The following SLC28A1 variants were observed in gnomAD, a reference collection of about 807,000 sequenced individuals.
SLC28A1 encodes solute carrier family 28 member 1, also known as sodium/nucleoside cotransporter 1.
SLC28A1 carries 64 observed loss-of-function variants against 74.8 expected under a neutral mutation model. That is an observed-to-expected ratio of 0.86 (90% CI 0.70 to 1.05). The LOEUF (loss-of-function observed/expected upper bound fraction) is 1.05. SLC28A1 is among the 50% of genes least tolerant of loss of function. The pLI, the probability that SLC28A1 is intolerant of heterozygous loss-of-function variation, is 0.00. For missense variants in SLC28A1, 828 were observed against 822.8 expected, an observed-to-expected ratio of 1.01 and a Z score of -0.08; for synonymous variants, 359 against 335.0, an observed-to-expected ratio of 1.07 and a Z score of -0.78.
intron 6 of SLC28A1, among the ~76,000 whole-genome samples, chr15:84,901,430 C>T (rs762613892): frequency 2.6e-4 from 40 of 152,176 alleles, no homozygotes; most frequent in Middle Eastern, 6.8e-3. Context: ...TTGCTCGAAC[C>T]CAGGAGGTGG....
At chr15:84,901,125 G>A (rs967642268) in intron 6 of SLC28A1, among the ~76,000 whole-genome samples, 3 of 152,216 alleles carry the variant, frequency 2.0e-5, no homozygotes, top group Admixed American at 6.5e-5. Context: ...AGGAGGCTGA[G>A]GCAGAAGAAT....
intron 9 of SLC28A1, among the ~76,000 whole-genome samples, chr15:84,913,209 C>T (rs1275516669): frequency 1.3e-5 from 2 of 152,152 alleles, no homozygotes; most frequent in African/African-American, 2.4e-5. Flanking sequence ...AGCTGCTGCC[C>T]CGAGCATCTT....
chr15:84,891,960 C>T (rs533762892), intron 5 of SLC28A1, among the ~76,000 whole-genome samples: 8 of 152,050 alleles, frequency 5.3e-5, no homozygotes, highest in Admixed American at 4.6e-4. Flanking sequence ...GGTCCCCTGG[C>T]ACGGAGTAGA....
At chr15:84,954,315 C>T in the SLC28A1 span, among the ~76,000 whole-genome samples, 2 of 152,134 alleles carry the variant, frequency 1.3e-5, no homozygotes, top group Non-Finnish European at 2.9e-5. Context: ...AGCAGTTTCC[C>T]ACGAGATCGG....
chr15:84,967,199 C>T, the SLC28A1 span, among the ~76,000 whole-genome samples: 3 of 152,214 alleles, frequency 2.0e-5, no homozygotes, highest in Non-Finnish European at 2.9e-5. Context: ...GTTGGAGATC[C>T]GCTTTGTTAC....
the SLC28A1 span, among the ~76,000 whole-genome samples, chr15:84,970,838 A>C: frequency 6.1e-4 from 93 of 152,294 alleles, no homozygotes; most frequent in African/African-American, 2.1e-3. Flanking sequence ...TATCTACAAA[A>C]AAAAACAAAA....
At chr15:84,965,186 G>C in the SLC28A1 span, among the ~76,000 whole-genome samples, 1 of 152,104 alleles carries the variant, frequency 6.6e-6, no homozygotes, top group Non-Finnish European at 1.5e-5. Context: ...AAAATCTGAT[G>C]GTTTTATAAA....
Position 84,921,334 on chromosome 15 carries a change from G to T in SLC28A1, c.957+265G>T, listed in dbSNP as rs557263959. 3.3e-5 allele frequency among the ~76,000 whole-genome samples: 5 copies of T among 152,294 alleles called. No homozygotes were observed. The South Asian group carries it at 1.0e-3, about 32-fold the overall frequency. On this transcript the variant is annotated intron_variant, in intron 11 of 18. Transcript: ENST00000394573. ...CAAAGACTCACAAATCCTCCAGATG[G>T]ATCCAGTTTCTCATTTTACACATGA...
intron 11 of SLC28A1, 127 bp from the exon 12 acceptor site, chr15:84,923,858 C>T (rs561292781): frequency 8.0e-7 from 1 of 1,250,994 alleles, no homozygotes; most frequent in East Asian, 2.4e-5. Flanking sequence ...CAAGTACAGA[C>T]CCTGGTCCTT....
At position 84,908,596 on chromosome 15, in the gene SLC28A1, CG is replaced by C. The variant is rs201878058; in HGVS notation, c.718-120del. 4.2e-3 allele frequency: 3,353 copies of C among 789,200 alleles called. 66 individuals carry two copies. The highest frequency in any genetic ancestry group is 0.036 in the African/African-American group (2,144 of 59,830). 48.9% of individuals were successfully genotyped at this position (789,200 alleles called of 1,614,324 possible). ...CACCTTGCCAGGTGGTGCCCCCCCC[CG>C]GATAAGGGCCTGGGGGGACTACGTC... On this transcript the variant is annotated intron_variant, in intron 8 of 18. Coordinates refer to ENST00000394573, the MANE Select transcript of SLC28A1 (RefSeq NM_004213.5).
chr15:84,901,478 C>T (rs562128487), intron 6 of SLC28A1, among the ~76,000 whole-genome samples: 2 of 151,958 alleles, frequency 1.3e-5, no homozygotes, highest in South Asian at 2.1e-4. Flanking sequence ...CTCTGCACTC[C>T]AGCCTGTGTG....
the SLC28A1 span, among the ~76,000 whole-genome samples, chr15:84,966,120 C>G: frequency 3.3e-5 from 5 of 152,128 alleles, no homozygotes; most frequent in African/African-American, 1.2e-4. Context: ...CTCTGTCACC[C>G]ACACTGAAGT....
chr15:84,936,263 G>T (rs948797406), intron 15 of SLC28A1, among the ~76,000 whole-genome samples: 12 of 142,610 alleles, frequency 8.4e-5, no homozygotes, highest in Non-Finnish European at 1.5e-4. Context: ...GGTTTGGTTT[G>T]GTTTGGTTTT....
intron 18 of SLC28A1, 48 bp downstream of exon 18, chr15:84,944,915 A>G (rs574510081): frequency 2.2e-6 from 3 of 1,348,958 alleles, no homozygotes; most frequent in Non-Finnish European, 3.2e-6. Flanking sequence ...AGTGATAGAC[A>G]GAATGCCTGA....
intron 6 of SLC28A1, among the ~76,000 whole-genome samples, chr15:84,900,943 G>A (rs1210442271): frequency 6.6e-6 from 1 of 151,752 alleles, no homozygotes; most frequent in Non-Finnish European, 1.5e-5. Flanking sequence ...ATTAACTTAG[G>A]CCAGGTGTGG....
chr15:84,889,754 TTCCTTCCTTC>T (rs879550625), intron 4 of SLC28A1, among the ~76,000 whole-genome samples: 26,183 of 85,628 alleles, frequency 0.31, 3,964 homozygotes, highest in Non-Finnish European at 0.38. Flanking sequence ...CCTTCCTTCC[TTCCTTCCTTC>T]CTTTTCTTTC....
At chr15:84,973,491 T>C in the SLC28A1 span, among the ~76,000 whole-genome samples, 3 of 152,150 alleles carry the variant, frequency 2.0e-5, no homozygotes, top group East Asian at 1.9e-4. Flanking sequence ...ACATGCTAAA[T>C]ATCCCACTCA....
chr15:84,912,778 G>A (rs1003815190), intron 9 of SLC28A1, among the ~76,000 whole-genome samples: 1 of 148,076 alleles, frequency 6.8e-6, no homozygotes, highest in Non-Finnish European at 1.5e-5. Context: ...AGTCCCCAGT[G>A]GTCAACAGTG....
At chr15:84,895,299 G>A (rs1965865155) in intron 6 of SLC28A1, 176 bp downstream of exon 6, 1 of 1,599,174 alleles carries the variant, frequency 6.3e-7, no homozygotes, top group African/African-American at 1.3e-5. Context: ...TCTTTGTGGT[G>A]TTTCACCAGT....
Sources: gnomAD v4.1 joint callset for allele counts (sites outside exome capture counted in the v4.1 genomes callset) on GRCh38, gnomAD v4.1.1 for gene constraint, MANE v1.5 for transcripts, NCBI Gene and HGNC (gene_info 2026-07-23, HGNC 2026-07-21) for gene names.